Variants in CAMTA1 observed in about 807,000 individuals in gnomAD.
The protein encoded by CAMTA1 is calmodulin binding transcription activator 1.
A neutral mutation model predicts 170.9 loss-of-function variants in CAMTA1; 27 were observed. The ratio of observed to expected loss-of-function variants is 0.16; its 90% CI spans 0.12 to 0.22. CAMTA1 has a LOEUF of 0.22. Among genes scored for constraint, CAMTA1 ranks in the 10% least tolerant of loss-of-function variants. CAMTA1 has a pLI of 1.00. For missense variants in CAMTA1, 1,619 were observed against 2,217.2 expected, an observed-to-expected ratio of 0.73 and a Z score of 5.42; for synonymous variants, 833 against 891.5, an observed-to-expected ratio of 0.93 and a Z score of 1.17.
Position 7,738,351 on chromosome 1 carries a change from T to A in CAMTA1, c.4051T>A (p.Ser1351Thr), listed in dbSNP as rs2096785870. Reference sequence around the variant, plus strand: ...CAGTGTAGGAAAGGAGGCAGCACCTTCACAGGTGCGTCCACGGGAACCAAT... The same window carrying A: ...CAGTGTAGGAAAGGAGGCAGCACCTACACAGGTGCGTCCACGGGAACCAAT... ...GTSVGKEAAP[S>T]QVRPREPMSV... The change falls in exon 16 of 23, where the codon TCA becomes ACA. Residue 1351 changes from serine (S) to threonine (T), a missense_variant. Transcript: ENST00000303635. This position sits in a 1 kb window ranked among gnomAD's most constrained non-coding sequence, Gnocchi z 4.9. 6.2e-7 allele frequency: 1 copy of A among 1,614,050 alleles called. No individual in the cohort carries two copies. Among genetic ancestry groups the A allele is most frequent in the Non-Finnish European group, 8.5e-7 (1 of 1,180,030 alleles).
chr1:7,660,537 A>T (rs2095946098), intron 7 of CAMTA1, among the ~76,000 whole-genome samples: 1 of 152,002 alleles, frequency 6.6e-6, no homozygotes, highest in African/African-American at 2.4e-5. Context: ...CACCTGTTTC[A>T]AAAAAAATAA....
chr1:7,397,845 A>G (rs1286030859), intron 5 of CAMTA1, among the ~76,000 whole-genome samples: 1 of 152,088 alleles, frequency 6.6e-6, no homozygotes, highest in Non-Finnish European at 1.5e-5. Context: ...GAAAAGATAC[A>G]TGATATTATT....
chr1:7,270,302 T>TCTTGTGAGATGGAG (rs1669597179), intron 5 of CAMTA1, among the ~76,000 whole-genome samples: 1 of 147,404 alleles, frequency 6.8e-6, no homozygotes, highest in Non-Finnish European at 1.5e-5. Context: ...TTTTTTTTTT[T>TCTTGTGAGATGGAG]TTTTCTTGTG....
intron 3 of CAMTA1, among the ~76,000 whole-genome samples, chr1:6,899,090 A>G (rs1012108382): frequency 6.6e-6 from 1 of 152,106 alleles, no homozygotes; most frequent in Admixed American, 6.5e-5. Flanking sequence ...GTTTGCTGCC[A>G]TTGATAGCCC....
At chr1:7,035,346 G>C (rs1362596065) in intron 3 of CAMTA1, among the ~76,000 whole-genome samples, 1 of 152,064 alleles carries the variant, frequency 6.6e-6, no homozygotes, top group African/African-American at 2.4e-5. Flanking sequence ...GTTGCAGTGA[G>C]CCGAGATTGC....
Position 7,216,140 on chromosome 1 carries a change from G to C in CAMTA1, c.303-33351G>C, listed in dbSNP as rs1335943535. Among the ~76,000 whole-genome samples the C allele has an allele frequency of 6.6e-6, 1 of 152,168 alleles. No homozygotes were observed. Among genetic ancestry groups the C allele is most frequent in the African/African-American group, 2.4e-5 (1 of 41,452 alleles). Reference sequence around the variant, plus strand: ...GAAGCCCGCGTGTCCTGCGTGGCTGGAGCAGGAGGAAGAGGGTGAAGGGGG... The same window carrying C: ...GAAGCCCGCGTGTCCTGCGTGGCTGCAGCAGGAGGAAGAGGGTGAAGGGGG... On this transcript the variant is annotated intron_variant, in intron 4 of 22. Transcript: ENST00000303635. This position sits in a 1 kb window ranked among gnomAD's most constrained non-coding sequence, Gnocchi z 4.0.
chr1:6,914,898 GTAAA>G (rs1253161749), intron 3 of CAMTA1, among the ~76,000 whole-genome samples: 1 of 152,196 alleles, frequency 6.6e-6, no homozygotes, highest in Non-Finnish European at 1.5e-5. Context: ...TGTAGCACCA[GTAAA>G]GACACACTGT....
rs182131432 is a variant in CAMTA1 at position 7,280,685 on chromosome 1, G to A, written c.438+31059G>A. ...TAAATAGCACAAATGAAACCAACCCGCCAGTGGTGGGATTGTAATTCAAAT... is the reference window on the plus strand; with the variant it reads ...TAAATAGCACAAATGAAACCAACCCACCAGTGGTGGGATTGTAATTCAAAT... On this transcript the variant is annotated intron_variant, in intron 5 of 22. Transcript: ENST00000303635. 9.2e-5 allele frequency among the ~76,000 whole-genome samples: 14 copies of A among 152,304 alleles called. No homozygotes were observed. In the South Asian group the frequency reaches 1.2e-3, roughly 14 times the overall value.
chr1:7,072,749 AG>A (rs1638810890), intron 3 of CAMTA1, among the ~76,000 whole-genome samples: 1 of 152,180 alleles, frequency 6.6e-6, no homozygotes, highest in South Asian at 2.1e-4. Flanking sequence ...GAGTGAACCG[AG>A]TAGGATTCTG....
chr1:7,148,996 G>A (rs1330304922), intron 4 of CAMTA1, among the ~76,000 whole-genome samples: 1 of 152,252 alleles, frequency 6.6e-6, no homozygotes, highest in Non-Finnish European at 1.5e-5. Flanking sequence ...TGTGTCCAGT[G>A]GAGTGGGGCT....
intron 3 of CAMTA1, among the ~76,000 whole-genome samples, chr1:6,978,620 C>T (rs763070906): frequency 1.9e-4 from 29 of 151,126 alleles, no homozygotes; most frequent in Non-Finnish European, 1.5e-4. Flanking sequence ...GGCAACAGAG[C>T]GAGACTCCAT....
intron 4 of CAMTA1, among the ~76,000 whole-genome samples, chr1:7,149,481 A>G (rs971171489): frequency 3.9e-5 from 6 of 152,214 alleles, no homozygotes; most frequent in Non-Finnish European, 5.9e-5. Context: ...GCTTCGGCTC[A>G]GGCTGGTAGT....
At chr1:6,840,312 C>G (rs918146723) in intron 3 of CAMTA1, among the ~76,000 whole-genome samples, 1 of 152,164 alleles carries the variant, frequency 6.6e-6, no homozygotes, top group East Asian at 1.9e-4. Flanking sequence ...GCTTTCTTGG[C>G]TACTGTGTGG....
chr1:7,508,091 G>A (rs1286475574), intron 6 of CAMTA1, among the ~76,000 whole-genome samples: 2 of 152,264 alleles, frequency 1.3e-5, no homozygotes, highest in Non-Finnish European at 2.9e-5. Context: ...AATCGGTTCC[G>A]TACCCTGAGA....
At chr1:7,045,309 G>C (rs1383789080) in intron 3 of CAMTA1, among the ~76,000 whole-genome samples, 2 of 152,176 alleles carry the variant, frequency 1.3e-5, no homozygotes, top group African/African-American at 4.8e-5. Context: ...AACCTCTCCT[G>C]GAAGGGCATT....
chr1:7,625,591 A>G (rs1256927008), intron 6 of CAMTA1, among the ~76,000 whole-genome samples: 2 of 152,256 alleles, frequency 1.3e-5, no homozygotes, highest in African/African-American at 4.8e-5. Context: ...ATCTGCCAGG[A>G]GAGGGACAGT....
At chr1:7,154,221 G>A (rs1223785772) in intron 4 of CAMTA1, among the ~76,000 whole-genome samples, 2 of 152,162 alleles carry the variant, frequency 1.3e-5, no homozygotes, top group Non-Finnish European at 2.9e-5. Context: ...CCTTTCTAGA[G>A]TCAGAAGATG....
At chr1:6,864,733 T>C (rs1665992662) in intron 3 of CAMTA1, among the ~76,000 whole-genome samples, 1 of 152,202 alleles carries the variant, frequency 6.6e-6, no homozygotes, top group African/African-American at 2.4e-5. Flanking sequence ...TCAGGGGACA[T>C]TTCCCATCCA....
intron 5 of CAMTA1, among the ~76,000 whole-genome samples, chr1:7,447,737 C>G (rs2092716027): frequency 6.6e-6 from 1 of 152,154 alleles, no homozygotes; most frequent in Admixed American, 6.5e-5. Flanking sequence ...GGAAGCCTCC[C>G]CAGCCTGAAT....
Sources: gnomAD v4.1 joint callset for allele counts (sites outside exome capture counted in the v4.1 genomes callset) on GRCh38, gnomAD v4.1.1 for gene constraint, Gnocchi (gnomAD v3.1) non-coding constraint, MANE v1.5 for transcripts, NCBI Gene and HGNC (gene_info 2026-07-23, HGNC 2026-07-21) for gene names.